Variants in DMD observed in about 807,000 individuals in gnomAD.
The protein encoded by DMD is dystrophin.
In DMD, 63 loss-of-function variants were observed where a neutral mutation model predicts 330.1. The observed-to-expected ratio is 0.19, with a 90% CI of 0.16 to 0.24. The LOEUF is 0.24. DMD is among the 10% of genes least tolerant of loss of function. The pLI, the probability that DMD is intolerant of heterozygous loss-of-function variation, is 1.00. For synonymous variants in DMD, 1,223 were observed against 959.8 expected (o/e 1.27, Z -5.07); for missense variants, 3,344 against 2,684.1 (o/e 1.25, Z -5.43).
intron 62 of DMD, among the ~76,000 whole-genome samples, chrX:31,268,106 G>T (rs2051323964): frequency 1.8e-5 from 2 of 111,541 alleles, no homozygotes; most frequent in Non-Finnish European, 3.8e-5. Flanking sequence ...GCCCAGGCTG[G>T]TCTCCCAACT....
At chrX:31,953,440 G>T (rs2095209914) in intron 45 of DMD, among the ~76,000 whole-genome samples, 1 of 112,072 alleles carries the variant, frequency 8.9e-6, no homozygotes, top group African/African-American at 3.2e-5. Context: ...AGCTGGGAGT[G>T]GGGACTGGGG....
chrX:32,368,799 G>A (rs2097862940), intron 34 of DMD, among the ~76,000 whole-genome samples: 1 of 111,598 alleles, frequency 9.0e-6, no homozygotes, highest in Non-Finnish European at 1.9e-5. Flanking sequence ...GAGGTGAGAA[G>A]TGGAGAGGGT....
chrX:31,824,322 G>A (rs1369502510), intron 49 of DMD, among the ~76,000 whole-genome samples: 1 of 110,262 alleles, frequency 9.1e-6, no homozygotes, highest in East Asian at 2.8e-4. Context: ...GGAATGCAGT[G>A]GTGAGATCTT....
intron 17 of DMD, 64 bp from the exon 18 acceptor site, chrX:32,518,195 G>A (rs184195274): frequency 9.4e-7 from 1 of 1,064,851 alleles, no homozygotes; most frequent in East Asian, 3.2e-5. Context: ...ATTAAAAAAA[G>A]CAATTTATCC....
chrX:32,773,510 C>T (rs1227066977), intron 7 of DMD, among the ~76,000 whole-genome samples: 1 of 62,381 alleles, frequency 1.6e-5, no homozygotes, highest in Non-Finnish European at 3.1e-5. Context: ...TAACTATATA[C>T]TTTTTATTTT....
At chrX:31,833,295 AGAGAGG>A (rs770215261) in intron 49 of DMD, among the ~76,000 whole-genome samples, 10,462 of 35,164 alleles carry the variant, frequency 0.3, 1,857 homozygotes, top group East Asian at 0.61. Context: ...AGAGAGAGGG[AGAGAGG>A]GAGAGAGGGA....
intron 21 of DMD, among the ~76,000 whole-genome samples, chrX:32,482,461 T>A (rs1186819478): frequency 8.9e-6 from 1 of 111,922 alleles, no homozygotes; most frequent in Non-Finnish European, 1.9e-5. Context: ...GGGTACTCCA[T>A]GCTGTAGCAT....
chrX:32,076,272 A>C (rs989944469), intron 44 of DMD, among the ~76,000 whole-genome samples: 1 of 109,316 alleles, frequency 9.1e-6, no homozygotes, highest in Non-Finnish European at 1.9e-5. Context: ...GCTTTAAAAG[A>C]GCTAGACAGG....
chrX:32,256,974 A>C (rs1450905716), intron 43 of DMD, among the ~76,000 whole-genome samples: 1 of 111,274 alleles, frequency 9.0e-6, no homozygotes, highest in African/African-American at 3.3e-5. Context: ...AAGTCTCAGA[A>C]TACAAAATCA....
chrX:33,202,031 G>A (rs368179849), intron 1 of DMD, among the ~76,000 whole-genome samples: 4 of 112,291 alleles, frequency 3.6e-5, no homozygotes, highest in East Asian at 5.6e-4. Context: ...CCCTATGCAA[G>A]TCTAGAGAAT....
intron 18 of DMD, among the ~76,000 whole-genome samples, chrX:32,513,848 A>G (rs1489367352): frequency 9.0e-6 from 1 of 111,668 alleles, no homozygotes; most frequent in Non-Finnish European, 1.9e-5. Flanking sequence ...AAGAATATCA[A>G]TATTAAAGAA....
chrX:32,801,736 G>A (rs184347045), intron 7 of DMD, among the ~76,000 whole-genome samples: 1 of 111,893 alleles, frequency 8.9e-6, no homozygotes, highest in Admixed American at 9.4e-5. Flanking sequence ...TGGCTAGCCA[G>A]TTTTCCCATC....
Position 32,293,673 on chromosome X carries a change from A to G in DMD, c.6118-5972T>C, listed in dbSNP as rs182927553. Among the ~76,000 whole-genome samples the G allele has an allele frequency of 5.4e-5, 6 of 111,942 alleles. No homozygotes were observed. In the East Asian group the frequency reaches 1.7e-3, roughly 32 times the overall value. ...ACATCAGAGGCTTGCTTATTGAAGA[A>G]AAGTTTCATATTGATAAAAACAAAA... On this transcript the variant is annotated intron_variant, in intron 42 of 78. Coordinates refer to ENST00000357033, the MANE Select transcript of DMD (RefSeq NM_004006.3).
chrX:31,326,295 G>T (rs907504563), intron 61 of DMD, among the ~76,000 whole-genome samples: 4 of 110,803 alleles, frequency 3.6e-5, no homozygotes, highest in African/African-American at 1.3e-4. Flanking sequence ...GAATATGCTT[G>T]AACTAAATAG....
At chrX:32,671,604 A>G (rs2061638940) in intron 9 of DMD, among the ~76,000 whole-genome samples, 1 of 112,179 alleles carries the variant, frequency 8.9e-6, no homozygotes, top group Non-Finnish European at 1.9e-5. Flanking sequence ...ATTAAAATGT[A>G]AAAGTCAATA....
At chrX:32,744,468 C>A (rs1242328243) in intron 7 of DMD, among the ~76,000 whole-genome samples, 1 of 111,234 alleles carries the variant, frequency 9.0e-6, no homozygotes, top group Non-Finnish European at 1.9e-5. Flanking sequence ...AAAAACTGTG[C>A]ACCTATCTGC....
chrX:32,855,230 G>A (rs1205165307), intron 2 of DMD, among the ~76,000 whole-genome samples: 3 of 111,942 alleles, frequency 2.7e-5, no homozygotes, highest in Non-Finnish European at 5.6e-5. Flanking sequence ...ACTGAATGGG[G>A]AAAAACTACA....
intron 7 of DMD, among the ~76,000 whole-genome samples, chrX:32,730,393 G>A (rs1010409841): frequency 7.1e-5 from 8 of 111,993 alleles, no homozygotes; most frequent in African/African-American, 1.9e-4. Flanking sequence ...GCATAGATAT[G>A]TGATCCAATC....
chrX:32,087,241 A>G (rs1378466022), intron 44 of DMD, among the ~76,000 whole-genome samples: 1 of 111,964 alleles, frequency 8.9e-6, no homozygotes, highest in East Asian at 2.8e-4. Context: ...TGTTGACGGT[A>G]TTTCCCAGAA....
Sources: allele counts gnomAD v4.1 joint callset (sites outside exome capture counted in the v4.1 genomes callset), GRCh38; gene constraint gnomAD v4.1.1; transcripts MANE v1.5; gene names NCBI Gene and HGNC (gene_info 2026-07-23, HGNC 2026-07-21).